The following TACC1 variants were observed in gnomAD, a reference collection of about 807,000 sequenced individuals.
The protein encoded by TACC1 is transforming acidic coiled-coil containing protein 1.
Under a neutral mutation model 84.4 loss-of-function variants are expected in TACC1, and 48 were observed. The ratio of observed to expected loss-of-function variants is 0.57; its 90% CI spans 0.45 to 0.72. The LOEUF (loss-of-function observed/expected upper bound fraction) is 0.72. Ranked by LOEUF, TACC1 falls within the 30% of genes least tolerant of loss-of-function variation. The probability of loss-of-function intolerance (pLI) is 0.00; values close to 1 mark genes in which losing one functional copy is unlikely to be tolerated. For missense variants in TACC1, 920 were observed against 973.0 expected (o/e 0.95, Z 0.72); for synonymous variants, 372 against 376.3 (o/e 0.99, Z 0.13).
At position 38,731,250 on chromosome 8, in the gene TACC1, G is replaced by T. The variant is rs539625142; in HGVS notation, c.-675+2579G>T. On this transcript the variant is annotated intron_variant, in intron 1 of 14. Coordinates refer to the TACC1 transcript ENST00000518415. Reference sequence around the variant, plus strand: ...CACTGTGCCCTACCGAGGTGGTAAGGTTCAATGGGAAAGTGCCAGGCTCTG... The same window carrying T: ...CACTGTGCCCTACCGAGGTGGTAAGTTTCAATGGGAAAGTGCCAGGCTCTG... Among the ~76,000 whole-genome samples the T allele has an allele frequency of 7.6e-4, 115 of 152,256 alleles. 2 individuals are homozygous for T. The highest frequency in any genetic ancestry group is 5.0e-3 in the South Asian group (24 of 4,824).
chr8:38,755,052 C>T (rs1411323378), intron 3 of TACC1, among the ~76,000 whole-genome samples: 1 of 149,604 alleles, frequency 6.7e-6, no homozygotes, highest in Non-Finnish European at 1.5e-5. Context: ...CACAGCTACT[C>T]GGGAGGCTGA....
chr8:38,788,635 T>C, intron 1 of TACC1, 69 bp from the exon 2 acceptor site: 1 of 1,202,516 alleles, frequency 8.3e-7, no homozygotes, highest in Non-Finnish European at 1.2e-6. Context: ...CCTCTGTGAA[T>C]ATGTAGATTT....
chr8:38,842,024 C>T (rs949034630), intron 9 of TACC1, among the ~76,000 whole-genome samples: 3 of 152,054 alleles, frequency 2.0e-5, no homozygotes, highest in East Asian at 1.9e-4. Context: ...CATTTCTGTC[C>T]GGTCTATGCT....
chr8:38,823,620 G>C (rs1827355733), intron 3 of TACC1, among the ~76,000 whole-genome samples: 1 of 152,182 alleles, frequency 6.6e-6, no homozygotes, highest in Admixed American at 6.5e-5. Context: ...TTTGTTGAAT[G>C]AACTTCTTGA....
chr8:38,787,198 G>T, upstream of TACC1: 2 of 988,488 alleles, frequency 2.0e-6, no homozygotes, highest in Non-Finnish European at 1.2e-6. Flanking sequence ...GCGCGGCTCC[G>T]GCGGCAGCTG....
chr8:38,750,362 C>A (rs757081220), intron 3 of TACC1, among the ~76,000 whole-genome samples: 25 of 152,198 alleles, frequency 1.6e-4, no homozygotes, highest in Non-Finnish European at 2.9e-5. Context: ...TAACATCCTA[C>A]TACAATGTGA....
intron 1 of TACC1, among the ~76,000 whole-genome samples, chr8:38,736,567 G>C (rs1806002408): frequency 6.6e-6 from 1 of 152,180 alleles, no homozygotes; most frequent in Admixed American, 6.5e-5. Flanking sequence ...AGGAAGCTAT[G>C]ATTGCACCAC....
intron 2 of TACC1, among the ~76,000 whole-genome samples, chr8:38,796,176 G>T (rs746079002): frequency 1.3e-5 from 2 of 152,196 alleles, no homozygotes; most frequent in Admixed American, 1.3e-4. Flanking sequence ...ATGATTCTGC[G>T]AGATAGGACA....
At chr8:38,781,222 T>C (rs1815887174) in intron 3 of TACC1, among the ~76,000 whole-genome samples, 1 of 152,120 alleles carries the variant, frequency 6.6e-6, no homozygotes, top group African/African-American at 2.4e-5. Flanking sequence ...TTTATGAGGA[T>C]AGTGAGTAGA....
rs553924967 is a variant in TACC1, at chr8:38,742,518, G to A, written c.-574+67G>A. The A allele has an allele frequency of 1.8e-5, 21 of 1,175,702 alleles. No homozygotes were observed. The Admixed American group carries it at 2.2e-4, about 12-fold the overall frequency. 72.8% of individuals were successfully genotyped at this position (1,175,702 alleles called of 1,614,324 possible). A position where few individuals can be genotyped will look rare whatever the true frequency, so the allele number is the denominator to read the frequency against. Reference sequence around the variant, plus strand: ...TTAAAGTAAAAATTTTTATTTCCTAGTGAAAAATAACAGATATGTAATCTT... The same window carrying A: ...TTAAAGTAAAAATTTTTATTTCCTAATGAAAAATAACAGATATGTAATCTT... On this transcript the variant is annotated intron_variant, in intron 2 of 14. Transcript: ENST00000518415.
chr8:38,771,323 T>G (rs1813562646), intron 3 of TACC1, among the ~76,000 whole-genome samples: 1 of 152,052 alleles, frequency 6.6e-6, no homozygotes, highest in African/African-American at 2.4e-5. Flanking sequence ...TGGGGGGTGA[T>G]GTAAGGCAGA....
At chr8:38,777,927 T>C (rs2151927481) in intron 3 of TACC1, among the ~76,000 whole-genome samples, 1 of 152,314 alleles carries the variant, frequency 6.6e-6, no homozygotes, top group Admixed American at 6.5e-5. Flanking sequence ...TGTGACCATG[T>C]GCTCAGCAAA....
intron 3 of TACC1, among the ~76,000 whole-genome samples, chr8:38,747,958 G>A (rs1007071646): frequency 6.6e-6 from 1 of 152,002 alleles, no homozygotes; most frequent in Non-Finnish European, 1.5e-5. Flanking sequence ...TAGGGGTAGG[G>A]GGTGTGTGGG....
At chr8:38,833,532 C>G (rs966223941) in intron 6 of TACC1, among the ~76,000 whole-genome samples, 4 of 152,074 alleles carry the variant, frequency 2.6e-5, no homozygotes, top group African/African-American at 9.7e-5. Context: ...TGGGGAGAGT[C>G]GGCAGGCTGA....
At chr8:38,831,455 G>A (rs1368408854) in intron 6 of TACC1, among the ~76,000 whole-genome samples, 1 of 152,112 alleles carries the variant, frequency 6.6e-6, no homozygotes, top group African/African-American at 2.4e-5. Context: ...TATTTTGGAT[G>A]TCTTGGGTTA....
At position 38,787,463 on chromosome 8, in the gene TACC1, G is replaced by A. The variant is rs745400039; in HGVS notation, c.-120G>A. Reference sequence around the variant, plus strand: ...CGACGGCACTCGTTTAACCACATCCGCGCCTCTGCTGGAAACGCTTGCTGG... The same window carrying A: ...CGACGGCACTCGTTTAACCACATCCACGCCTCTGCTGGAAACGCTTGCTGG... On this transcript the variant is annotated 5_prime_UTR_variant, in exon 1 of 13. Transcript: ENST00000317827. The A allele has an allele frequency of 5.7e-4, 787 of 1,388,456 alleles. No homozygotes were observed. The highest frequency in any genetic ancestry group is 2.0e-3 in the South Asian group (125 of 62,188). The allele number at this position is 1,388,456 out of a possible 1,614,324, so 86.0% of individuals were successfully genotyped here. A position where few individuals can be genotyped will look rare whatever the true frequency, so the allele number is the denominator to read the frequency against.
chr8:38,825,196 G>C, intron 3 of TACC1, 112 bp from the exon 4 acceptor site: 1 of 1,074,222 alleles, frequency 9.3e-7, no homozygotes, highest in Non-Finnish European at 1.4e-6. Context: ...GATTTGTGTG[G>C]TGCTGTATGC....
chr8:38,733,034 C>A (rs568638567), intron 1 of TACC1, among the ~76,000 whole-genome samples: 5 of 152,178 alleles, frequency 3.3e-5, no homozygotes, highest in African/African-American at 1.2e-4. Flanking sequence ...AGATGCACGG[C>A]ATAATTGCAT....
intron 5 of TACC1, chr8:38,827,646 A>G: frequency 2.1e-6 from 1 of 477,328 alleles, no homozygotes; most frequent in South Asian, 2.3e-5. Context: ...TTATGTGAAT[A>G]TGGCCATATC....
Sources: gnomAD v4.1 joint callset for allele counts (sites outside exome capture counted in the v4.1 genomes callset) on GRCh38, gnomAD v4.1.1 for gene constraint, MANE v1.5 for transcripts, NCBI Gene and HGNC (gene_info 2026-07-23, HGNC 2026-07-21) for gene names.